The following MIPOL1 variants were observed in gnomAD, a reference collection of about 807,000 sequenced individuals.
The protein encoded by MIPOL1 is mirror-image polydactyly 1.
MIPOL1 carries 57 observed loss-of-function variants against 60.9 expected under a neutral mutation model. That is an observed-to-expected ratio of 0.94 (90% CI 0.76 to 1.17). The LOEUF (loss-of-function observed/expected upper bound fraction) is 1.17, where lower values mean the gene tolerates loss of function less well. MIPOL1 is among the 50% of genes most tolerant of loss of function. The pLI, the probability that MIPOL1 is intolerant of heterozygous loss-of-function variation, is 0.00. For missense variants in MIPOL1, 551 were observed against 511.6 expected, an observed-to-expected ratio of 1.08 and a Z score of -0.74; for synonymous variants, 179 against 168.8, an observed-to-expected ratio of 1.06 and a Z score of -0.47.
chr14:37,394,064 A>ATATATATATATATATATATATATATATC (rs2093318830), intron 10 of MIPOL1, among the ~76,000 whole-genome samples: 1 of 125,456 alleles, frequency 8.0e-6, no homozygotes, highest in Non-Finnish European at 1.7e-5. Flanking sequence ...TGGCATATAT[A>ATATATATATATATATATATATATATATC]TATATATATA....
At chr14:37,471,736 C>T (rs1271667689) in intron 11 of MIPOL1, among the ~76,000 whole-genome samples, 1 of 152,062 alleles carries the variant, frequency 6.6e-6, no homozygotes, top group African/African-American at 2.4e-5. Context: ...CTTCAGCCAT[C>T]CTTTCTCTTA....
Position 37,267,010 on chromosome 14 carries a change from C to T in MIPOL1, c.92C>T (p.Thr31Ile), listed in dbSNP as rs746082276. The T allele has an allele frequency of 2.1e-5, 34 of 1,613,774 alleles. No individual in the cohort carries two copies. Among genetic ancestry groups the T allele is most frequent in the Non-Finnish European group, 2.7e-5 (32 of 1,179,910 alleles). The change falls in exon 4 of 13, where the codon ACT becomes ATT. Residue 31 changes from threonine to isoleucine, a missense_variant. Physicochemically the swap from Thr to Ile is moderately conservative, Grantham distance 89 (BLOSUM62 -1). Coordinates refer to ENST00000684589, the MANE Select transcript of MIPOL1 (RefSeq NM_001388067.1). The stretch of plus-strand genomic sequence containing the variant: ...AGTACGCAGCCAGATGAGCAACTGA[C>T]TATGAATTCTGAGAAAAGTATGCAT... ...NKSTQPDEQLTMNSEKSMHRK... is the reference protein window; with the variant it reads ...NKSTQPDEQLIMNSEKSMHRK...
At chr14:37,228,325 C>CTTTTTTTTT (rs397961053) in intron 1 of MIPOL1, among the ~76,000 whole-genome samples, 248 of 104,796 alleles carry the variant, frequency 2.4e-3, no homozygotes, top group East Asian at 4.7e-3. Flanking sequence ...TCTTTCTTTT[C>CTTTTTTTTT]TTTTTTTTTT....
In MIPOL1 at chr14:37,270,503, T is replaced by C; in HGVS notation, c.471T>C (p.Ala157=). Reference sequence around the variant, plus strand: ...AACTCCAAGAGAAAGAAACAGAAGCTAAAATTGCTGAAAAGACAGCAGGTA... The same window carrying C: ...AACTCCAAGAGAAAGAAACAGAAGCCAAAATTGCTGAAAAGACAGCAGGTA... ...KLELQEKETE[A]KIAEKTAALV... The change falls in exon 6 of 13, where the codon GCT becomes GCC. Residue 157 remains alanine (A), a synonymous_variant. Transcript: ENST00000684589. 1 of 1,597,310 alleles carries C rather than the reference T, an allele frequency of 6.3e-7. No homozygotes were observed. Among genetic ancestry groups the C allele is most frequent in the South Asian group, 1.1e-5 (1 of 88,812 alleles).
chr14:37,307,747 A>G (rs1006778182), intron 7 of MIPOL1, among the ~76,000 whole-genome samples: 4 of 152,080 alleles, frequency 2.6e-5, no homozygotes, highest in Non-Finnish European at 5.9e-5. Flanking sequence ...AATAAATATA[A>G]TGATGAGAAT....
At chr14:37,493,017 A>C (rs1418260269) in intron 11 of MIPOL1, among the ~76,000 whole-genome samples, 1 of 152,204 alleles carries the variant, frequency 6.6e-6, no homozygotes, top group African/African-American at 2.4e-5. Flanking sequence ...ATCCAATTAA[A>C]ATAAATAGCA....
intron 7 of MIPOL1, among the ~76,000 whole-genome samples, chr14:37,286,189 T>C (rs10782385): frequency 0.99 from 151,245 of 152,280 alleles, 75,117 homozygotes; most frequent in Middle Eastern, 1. Context: ...GTTTTTTAAA[T>C]GTGAGTGATA....
At chr14:37,282,823 G>A (rs2084236743) in intron 6 of MIPOL1, among the ~76,000 whole-genome samples, 1 of 150,900 alleles carries the variant, frequency 6.6e-6, no homozygotes, top group South Asian at 2.1e-4. Flanking sequence ...AGTGGTGGTA[G>A]AGTATTCAGC....
chr14:37,416,301 A>T (rs879476211), intron 10 of MIPOL1, among the ~76,000 whole-genome samples: 1 of 152,206 alleles, frequency 6.6e-6, no homozygotes, highest in Non-Finnish European at 1.5e-5. Flanking sequence ...ATTCTTGAGG[A>T]ATATGACATT....
At chr14:37,399,737 T>G (rs1038614512) in intron 10 of MIPOL1, 1 of 152,190 alleles carries the variant, frequency 6.6e-6, no homozygotes, top group Non-Finnish European at 1.5e-5. Flanking sequence ...TAAATTATGC[T>G]TGCTCACATT....
In MIPOL1 at chr14:37,378,426, A is replaced by T. The variant is rs187567400; in HGVS notation, c.936+8802A>T. On this transcript the variant is annotated intron_variant, in intron 10 of 12. Coordinates refer to ENST00000684589, the MANE Select transcript of MIPOL1 (RefSeq NM_001388067.1). Reference sequence around the variant, plus strand: ...AAGCCATTCTCAAAGGGTTAAATTTATATGATTCCATTTTTATATAAGTCC... The same window carrying T: ...AAGCCATTCTCAAAGGGTTAAATTTTTATGATTCCATTTTTATATAAGTCC... Among the ~76,000 whole-genome samples, 255 of 152,200 alleles carry T rather than the reference A, an allele frequency of 1.7e-3. 1 individual carries two copies. The highest frequency in any genetic ancestry group is 5.8e-3 in the African/African-American group (241 of 41,548).
chr14:37,378,083 A>G lies in MIPOL1; in HGVS notation c.936+8459A>G, dbSNP rs190130288. Among the ~76,000 whole-genome samples, 452 of 152,252 alleles carry G rather than the reference A, an allele frequency of 3.0e-3. 8 individuals carry two copies. The highest frequency in any genetic ancestry group is 4.7e-4 in the Non-Finnish European group (32 of 67,988). ...TGTGGAGAAATTGAATCTTTCATAC[A>G]TTGCTGTTAGGAGTGTAAAATGGTA... On this transcript the variant is annotated intron_variant, in intron 10 of 12. Coordinates refer to ENST00000684589, the MANE Select transcript of MIPOL1 (RefSeq NM_001388067.1).
intron 9 of MIPOL1, among the ~76,000 whole-genome samples, chr14:37,342,397 T>C (rs568282167): frequency 6.6e-6 from 1 of 151,554 alleles, no homozygotes; most frequent in Non-Finnish European, 1.5e-5. Flanking sequence ...CTGAAATACA[T>C]GCAAATCACA....
At chr14:37,405,287 A>G (rs1266484171) in intron 10 of MIPOL1, among the ~76,000 whole-genome samples, 1 of 152,046 alleles carries the variant, frequency 6.6e-6, no homozygotes, top group African/African-American at 2.4e-5. Flanking sequence ...CTTAGACACT[A>G]CTCCCAAATA....
At chr14:37,515,748 G>A (rs2153627705) in intron 12 of MIPOL1, among the ~76,000 whole-genome samples, 1 of 136,868 alleles carries the variant, frequency 7.3e-6, no homozygotes, top group Middle Eastern at 3.9e-3. Flanking sequence ...CCAGAATGAT[G>A]GGAGTAGCAC....
chr14:37,380,000 A>C (rs2092883618), intron 10 of MIPOL1, among the ~76,000 whole-genome samples: 1 of 152,038 alleles, frequency 6.6e-6, no homozygotes, highest in South Asian at 2.1e-4. Flanking sequence ...CCTGGTTTGA[A>C]AAGGTAGTAA....
chr14:37,347,285 CTG>C (rs2091009859), intron 9 of MIPOL1, among the ~76,000 whole-genome samples: 1 of 151,770 alleles, frequency 6.6e-6, no homozygotes, highest in East Asian at 1.9e-4. Flanking sequence ...AAAAGGATCA[CTG>C]TGAAAAAAAG....
chr14:37,261,911 T>C (rs1350642441), intron 3 of MIPOL1, among the ~76,000 whole-genome samples: 1 of 152,114 alleles, frequency 6.6e-6, no homozygotes, highest in Non-Finnish European at 1.5e-5. Flanking sequence ...CTGACTGTGG[T>C]TCTGCTTGGA....
At chr14:37,244,012 ATT>A (rs1026381415) in intron 1 of MIPOL1, among the ~76,000 whole-genome samples, 2 of 148,178 alleles carry the variant, frequency 1.3e-5, no homozygotes, top group African/African-American at 5.0e-5. Flanking sequence ...TATCAGATAT[ATT>A]GAGATTCCTA....
Sources: gnomAD v4.1 joint callset for allele counts (sites outside exome capture counted in the v4.1 genomes callset) on GRCh38, gnomAD v4.1.1 for gene constraint, MANE v1.5 for transcripts, NCBI Gene and HGNC (gene_info 2026-07-23, HGNC 2026-07-21) for gene names.